The following FAM151B variants were observed in gnomAD, a reference collection of about 807,000 sequenced individuals.
FAM151B encodes the protein family with sequence similarity 151 member B, also known as protein FAM151B.
Under a neutral mutation model 31.2 loss-of-function variants are expected in FAM151B, and 24 were observed. The observed-to-expected ratio is 0.77, with a 90% confidence interval of 0.56 to 1.08. The LOEUF is 1.08. FAM151B is among the 50% of genes least tolerant of loss of function. The pLI is 0.00. For missense variants in FAM151B, 293 were observed against 328.6 expected (o/e 0.89, Z 0.84); for synonymous variants, 105 against 111.4 (o/e 0.94, Z 0.36).
Position 80,541,960 on chromosome 5 carries a change from T to C in FAM151B, c.*128T>C. The C allele has an allele frequency of 6.1e-6, 6 of 977,164 alleles. No homozygotes were observed. In the South Asian group the frequency reaches 8.7e-5, roughly 14 times the overall value. 60.5% of individuals were successfully genotyped at this position (977,164 alleles called of 1,614,324 possible). A position where few individuals can be genotyped will look rare whatever the true frequency, so the allele number is the denominator to read the frequency against. ...AAGTCATCTAATCAAGAAACGTTTA[T>C]TGTATGCTTACTCTGTGGGCATATG... On this transcript the variant is annotated 3_prime_UTR_variant, in exon 6 of 6. Transcript: ENST00000282226.
intron 5 of FAM151B, among the ~76,000 whole-genome samples, chr5:80,524,905 T>C (rs171598): frequency 0.78 from 118,779 of 152,116 alleles, 46,577 homozygotes; most frequent in African/African-American, 0.83. Context: ...CACAGATCTT[T>C]AGCATTTAAA....
chr5:80,514,711 G>T (rs999190496), intron 3 of FAM151B, among the ~76,000 whole-genome samples: 1 of 151,968 alleles, frequency 6.6e-6, no homozygotes, highest in African/African-American at 2.4e-5. Flanking sequence ...TCTAGGATTG[G>T]CAGTAAGCCT....
At chr5:80,504,847 C>T (rs188644816) in intron 2 of FAM151B, among the ~76,000 whole-genome samples, 23 of 152,188 alleles carry the variant, frequency 1.5e-4, no homozygotes, top group South Asian at 6.2e-4. Context: ...TATAACCACA[C>T]TGATAAAGGA....
intron 5 of FAM151B, among the ~76,000 whole-genome samples, chr5:80,530,395 G>T (rs1437922849): frequency 6.6e-6 from 1 of 152,082 alleles, no homozygotes; most frequent in African/African-American, 2.4e-5. Context: ...GGGCAATCAG[G>T]CAGGAGAAGG....
At chr5:80,519,613 A>G (rs1744608994) in intron 3 of FAM151B, 80 bp from the exon 4 acceptor site, 1 of 1,159,432 alleles carries the variant, frequency 8.6e-7, no homozygotes, top group South Asian at 1.4e-5. Context: ...ATTTGAGAAC[A>G]TTGAGACCAC....
intron 1 of FAM151B, among the ~76,000 whole-genome samples, chr5:80,489,830 A>T (rs1418155470): frequency 6.6e-6 from 1 of 151,280 alleles, no homozygotes; most frequent in Admixed American, 6.6e-5. Flanking sequence ...AGGCTGAGGC[A>T]GCAGAATGGC....
At chr5:80,538,467 TTTCTTTCTTTCTTTCTTTCC>T (rs1561383755) in intron 5 of FAM151B, among the ~76,000 whole-genome samples, 22 of 126,284 alleles carry the variant, frequency 1.7e-4, no homozygotes, top group African/African-American at 5.3e-4. Flanking sequence ...TCTTTCTTTC[TTTCTTTCTTTCTTTCTTTCC>T]TTCCTTCCTT....
chr5:80,490,170 T>C (rs1221789235), intron 1 of FAM151B, among the ~76,000 whole-genome samples: 1 of 152,124 alleles, frequency 6.6e-6, no homozygotes, highest in Non-Finnish European at 1.5e-5. Context: ...GGAGGATCGC[T>C]TGAGCCCTGG....
chr5:80,494,104 G>A (rs186749032), intron 1 of FAM151B, among the ~76,000 whole-genome samples: 2 of 152,268 alleles, frequency 1.3e-5, no homozygotes, highest in Admixed American at 1.3e-4. Context: ...TTGGGGGCTG[G>A]TTCCCCCGAT....
chr5:80,541,736 T>C lies in FAM151B; in HGVS notation c.735T>C (p.Ile245=). 1 of 1,613,682 alleles carries C rather than the reference T, an allele frequency of 6.2e-7. No homozygotes were observed. Among genetic ancestry groups the C allele is most frequent in the African/African-American group, 1.3e-5 (1 of 75,046 alleles). ...ATTCCGTTGAAGATTTACTTTACAT[T>C]AGAGACCATTTTGACAAAAAACAAG... ...DNYSVEDLLY[I]RDHFDKKQVF... The change falls in exon 6 of 6, where the codon ATT becomes ATC. Residue 245 remains isoleucine (I), a synonymous_variant. Transcript: ENST00000282226.
intron 5 of FAM151B, among the ~76,000 whole-genome samples, chr5:80,536,042 T>C (rs1745490106): frequency 6.6e-6 from 1 of 152,198 alleles, no homozygotes; most frequent in Non-Finnish European, 1.5e-5. Context: ...TGAGATATCA[T>C]CACACCCCAA....
intron 5 of FAM151B, among the ~76,000 whole-genome samples, chr5:80,531,645 C>T (rs1464803044): frequency 2.0e-5 from 3 of 152,192 alleles, no homozygotes; most frequent in African/African-American, 7.2e-5. Context: ...AAATGCTCAT[C>T]ATCACTGGCC....
rs551621079 is a variant in FAM151B, at chr5:80,515,458, T to C, written c.317+1689T>C. Among the ~76,000 whole-genome samples the C allele has an allele frequency of 2.6e-5, 4 of 152,276 alleles. No individual in the cohort carries two copies. In the South Asian group the frequency reaches 6.2e-4, roughly 24 times the overall value. On this transcript the variant is annotated intron_variant, in intron 3 of 5. Coordinates refer to ENST00000282226, the MANE Select transcript of FAM151B (RefSeq NM_205548.3). ...ATATCATGAAATAAAGCATTTGATCTTTAGTGCTTGATGGCTTAAACTTTT... is the reference window on the plus strand; with the variant it reads ...ATATCATGAAATAAAGCATTTGATCCTTAGTGCTTGATGGCTTAAACTTTT...
intron 5 of FAM151B, among the ~76,000 whole-genome samples, chr5:80,540,665 A>T (rs1323840314): frequency 6.6e-6 from 1 of 152,234 alleles, no homozygotes; most frequent in Non-Finnish European, 1.5e-5. Flanking sequence ...GCCCAGATAA[A>T]GTAATAGAGA....
rs201855456 is a variant in FAM151B at position 80,513,747 on chromosome 5, G to T, written c.295G>T (p.Gly99Cys). 390 of 1,610,908 alleles carry T rather than the reference G, an allele frequency of 2.4e-4. 7 individuals are homozygous for T. The highest frequency in any genetic ancestry group is 3.3e-5 in the Non-Finnish European group (39 of 1,179,252). ...WLTEVMKSNK[G>C]IKLDFKSLAV... The stretch of plus-strand genomic sequence containing the variant: ...GACTGAAGTTATGAAAAGCAATAAA[G>T]GCATCAAGCTGGATTTCAAAAGGTA... Residue 99 changes from glycine to cysteine, a missense_variant, in exon 3 of 6, where the codon GGC becomes TGC. By Grantham distance (159) the Gly-to-Cys change is radical. Coordinates refer to ENST00000282226, the MANE Select transcript of FAM151B (RefSeq NM_205548.3).
intron 5 of FAM151B, among the ~76,000 whole-genome samples, chr5:80,535,119 A>G (rs1745432347): frequency 6.6e-6 from 1 of 152,210 alleles, no homozygotes; most frequent in African/African-American, 2.4e-5. Context: ...CAAAATGGAG[A>G]GATATTCCAT....
intron 5 of FAM151B, among the ~76,000 whole-genome samples, chr5:80,537,361 A>T (rs1580460911): frequency 6.6e-6 from 1 of 152,190 alleles, no homozygotes; most frequent in Non-Finnish European, 1.5e-5. Context: ...CAGGCCAAGG[A>T]GGTCTTTGTT....
intron 5 of FAM151B, chr5:80,522,390 G>T (rs1054681128): frequency 2.4e-5 from 8 of 335,212 alleles, no homozygotes; most frequent in Non-Finnish European, 3.2e-5. Flanking sequence ...TGCTCAGTAA[G>T]TGTTAGCTGT....
At chr5:80,538,334 T>A (rs1183012540) in intron 5 of FAM151B, among the ~76,000 whole-genome samples, 1 of 152,090 alleles carries the variant, frequency 6.6e-6, no homozygotes, top group African/African-American at 2.4e-5. Flanking sequence ...CCCAAAGTCC[T>A]GGGATTACAG....
Sources: allele counts gnomAD v4.1 joint callset (sites outside exome capture counted in the v4.1 genomes callset), GRCh38; gene constraint gnomAD v4.1.1; transcripts MANE v1.5; gene names NCBI Gene and HGNC (gene_info 2026-07-23, HGNC 2026-07-21).